The following CASC3 variants were observed in gnomAD, a reference collection of about 807,000 sequenced individuals.
The protein encoded by CASC3 is CASC3 exon junction complex subunit.
A neutral mutation model predicts 80.5 loss-of-function variants in CASC3; 30 were observed. The ratio of observed to expected loss-of-function variants is 0.37; its 90% CI spans 0.28 to 0.51. The LOEUF (loss-of-function observed/expected upper bound fraction) is 0.51, where lower values mean the gene tolerates loss of function less well. Ranked by LOEUF, CASC3 falls within the 20% of genes least tolerant of loss-of-function variation. The pLI is 0.94. For synonymous variants in CASC3, 312 were observed against 333.6 expected (o/e 0.94, Z 0.70); for missense variants, 824 against 922.2 (o/e 0.89, Z 1.38).
intron 2 of CASC3, 68 bp from the exon 3 acceptor site, chr17:40,141,502 A>G: frequency 1.5e-6 from 2 of 1,304,072 alleles, no homozygotes; most frequent in Non-Finnish European, 2.2e-6. Context: ...TCTTAGTCTG[A>G]CCTGTAATAA....
intron 3 of CASC3, among the ~76,000 whole-genome samples, chr17:40,144,517 G>C (rs941931936): frequency 7.9e-5 from 12 of 151,128 alleles, no homozygotes; most frequent in African/African-American, 2.9e-4. Flanking sequence ...GCTAATTTTT[G>C]TATTTGTAGT....
chr17:40,140,788 G>A lies in CASC3; in HGVS notation c.231+9G>A, dbSNP rs565408472. ...CTGAGGAGTCGGAGTGTGTGAGTGCGCGCAGGCGGGGCGGGGTGGGGACCG... is the reference window on the plus strand; with the variant it reads ...CTGAGGAGTCGGAGTGTGTGAGTGCACGCAGGCGGGGCGGGGTGGGGACCG... On this transcript the variant is annotated intron_variant, in intron 1 of 13. Coordinates refer to ENST00000264645, the MANE Select transcript of CASC3 (RefSeq NM_007359.5). 44 of 1,432,230 alleles carry A rather than the reference G, an allele frequency of 3.1e-5. No individual in the cohort carries two copies. The Admixed American group carries it at 7.0e-4, about 23-fold the overall frequency. 88.7% of individuals were successfully genotyped at this position (1,432,230 alleles called of 1,614,324 possible). A position where few individuals can be genotyped will look rare whatever the true frequency, so the allele number is the denominator to read the frequency against.
intron 3 of CASC3, among the ~76,000 whole-genome samples, chr17:40,150,283 G>A (rs1338309737): frequency 6.6e-6 from 1 of 152,052 alleles, no homozygotes; most frequent in Non-Finnish European, 1.5e-5. Flanking sequence ...GGAGTGGGAG[G>A]ATCCCTTGAG....
At chr17:40,145,763 T>C (rs186592158) in intron 3 of CASC3, among the ~76,000 whole-genome samples, 2 of 152,072 alleles carry the variant, frequency 1.3e-5, no homozygotes, top group African/African-American at 4.8e-5. Flanking sequence ...ATTCATTTTT[T>C]AAAAATTTTT....
intron 3 of CASC3, among the ~76,000 whole-genome samples, chr17:40,150,096 G>A (rs916369567): frequency 6.6e-6 from 1 of 150,906 alleles, no homozygotes; most frequent in African/African-American, 2.4e-5. Context: ...GAAGGATAGA[G>A]CAGGACAGGC....
Position 40,149,788 on chromosome 17 carries a change from G to A in CASC3, c.297+8181G>A, listed in dbSNP as rs553492795. ...TGGGAGGCCGAGGCGGGCAGATCACGAGGTCAGGAGATCGAGACCATCCTG... is the reference window on the plus strand; with the variant it reads ...TGGGAGGCCGAGGCGGGCAGATCACAAGGTCAGGAGATCGAGACCATCCTG... On this transcript the variant is annotated intron_variant, in intron 3 of 13. Transcript: ENST00000264645. 1.6e-3 allele frequency among the ~76,000 whole-genome samples: 237 copies of A among 150,382 alleles called. 1 individual carries two copies. Among genetic ancestry groups the A allele is most frequent in the Non-Finnish European group, 2.9e-3 (195 of 67,480 alleles).
chr17:40,140,772 C>G lies in CASC3; in HGVS notation c.224C>G (p.Ser75Trp). The G allele has an allele frequency of 5.4e-6, 6 of 1,113,596 alleles. No individual in the cohort carries two copies. The highest frequency in any genetic ancestry group is 2.3e-5 in the African/African-American group (1 of 43,010). 69.0% of individuals were successfully genotyped at this position (1,113,596 alleles called of 1,614,324 possible). The stretch of plus-strand genomic sequence containing the variant: ...GGGGGCGCCAAGAGTGCTGAGGAGT[C>G]GGAGTGTGTGAGTGCGCGCAGGCGG... ...ESGGAKSAEE[S>W]ECESEDGIEG... Residue 75 changes from serine (S) to tryptophan (W), a missense_variant, in exon 1 of 14, where the codon TCG (serine) becomes TGG (tryptophan). Physicochemically the swap from Ser to Trp is radical, Grantham distance 177. This residue lies in a region of CASC3 where 159 missense variants were observed against 122.2 expected (regional missense o/e 1.30). Coordinates refer to ENST00000264645, the MANE Select transcript of CASC3 (RefSeq NM_007359.5).
intron 3 of CASC3, among the ~76,000 whole-genome samples, chr17:40,151,527 CT>C (rs2145161396): frequency 6.6e-6 from 1 of 151,584 alleles, no homozygotes; most frequent in African/African-American, 2.4e-5. Context: ...GACCTTATCT[CT>C]ATAAAAAATA....
At chr17:40,160,822 C>T (rs1023211449) in intron 3 of CASC3, among the ~76,000 whole-genome samples, 1 of 151,956 alleles carries the variant, frequency 6.6e-6, no homozygotes, top group African/African-American at 2.4e-5. Flanking sequence ...ACGCCTGCCT[C>T]GGCCTCCCAA....
chr17:40,146,387 G>A (rs550660275), intron 3 of CASC3, among the ~76,000 whole-genome samples: 7 of 151,560 alleles, frequency 4.6e-5, no homozygotes, highest in Admixed American at 1.3e-4. Flanking sequence ...CTAACTTGGA[G>A]CAGCAACTCT....
Position 40,140,537 on chromosome 17 carries a change from G to A in CASC3, c.-12G>A. The A allele has an allele frequency of 1.9e-6, 3 of 1,605,086 alleles. No homozygotes were observed. Among genetic ancestry groups the A allele is most frequent in the Non-Finnish European group, 2.5e-6 (3 of 1,179,500 alleles). Reference sequence around the variant, plus strand: ...CGTAAGTACCTCGCCGGTGGTGGCCGTTCTCCGTAAGATGGCGGACCGGCG... The same window carrying A: ...CGTAAGTACCTCGCCGGTGGTGGCCATTCTCCGTAAGATGGCGGACCGGCG... On this transcript the variant is annotated 5_prime_UTR_variant, in exon 1 of 14. Transcript: ENST00000264645.
chr17:40,157,338 G>A (rs1337353636), intron 3 of CASC3, among the ~76,000 whole-genome samples: 2 of 143,038 alleles, frequency 1.4e-5, no homozygotes, highest in Admixed American at 7.0e-5. Flanking sequence ...GCGAGACTCC[G>A]TCTCAAATAA....
rs753482185 is a variant in CASC3 at position 40,167,896 on chromosome 17, G to A, written c.1698G>A (p.Pro566=). ...ATACCCATGGTGACAGCCCTGCCCC[G>A]CTGCCTCCACAGGGCATGCTTGTGC... The part of the protein sequence containing the change: ...PIYTHGDSPA[P]LPPQGMLVQP... Residue 566 remains proline (P), a synonymous_variant, in exon 10 of 14, where the codon CCG becomes CCA. Coordinates refer to ENST00000264645, the MANE Select transcript of CASC3 (RefSeq NM_007359.5). 42 of 1,614,008 alleles carry A rather than the reference G, an allele frequency of 2.6e-5. No individual in the cohort carries two copies. The highest frequency in any genetic ancestry group is 1.5e-4 in the Admixed American group (9 of 59,986).
intron 7 of CASC3, among the ~76,000 whole-genome samples, chr17:40,165,646 A>G (rs185409261): frequency 6.6e-6 from 1 of 152,332 alleles, no homozygotes; most frequent in African/African-American, 2.4e-5. Context: ...TTGAAAGGCA[A>G]GCCTCCCTTA....
chr17:40,169,573 A>T (rs759461371), intron 12 of CASC3, 25 bp from the exon 13 acceptor site: 2 of 1,591,884 alleles, frequency 1.3e-6, no homozygotes, highest in South Asian at 2.3e-5. Flanking sequence ...TGACCTGATA[A>T]CAAATTCCAA....
rs1451535245 is a variant in CASC3 at position 40,163,468 on chromosome 17, C to T, written c.786-13C>T. On this transcript the variant is annotated splice_polypyrimidine_tract_variant and intron_variant, in intron 6 of 13. Coordinates refer to ENST00000264645, the MANE Select transcript of CASC3 (RefSeq NM_007359.5). ...TTAATTTCCTAACAGTTTCTTCATT[C>T]CATTTTTTGTAGATATGGGAGTCCT... The T allele has an allele frequency of 6.3e-7, 1 of 1,592,800 alleles. No homozygotes were observed. Among genetic ancestry groups the T allele is most frequent in the South Asian group, 1.1e-5 (1 of 88,658 alleles).
At chr17:40,157,221 T>C (rs1989170026) in intron 3 of CASC3, among the ~76,000 whole-genome samples, 1 of 151,920 alleles carries the variant, frequency 6.6e-6, no homozygotes, top group Non-Finnish European at 1.5e-5. Context: ...GGCGGGTGCG[T>C]GTAGTCCCAG....
In CASC3 at chr17:40,161,811, C is replaced by G; in HGVS notation, c.356C>G (p.Ala119Gly). 6.2e-7 allele frequency: 1 copy of G among 1,614,058 alleles called. No homozygotes were observed. Among genetic ancestry groups the G allele is most frequent in the Non-Finnish European group, 8.5e-7 (1 of 1,179,974 alleles). The change falls in exon 4 of 14, where the codon GCT (alanine) becomes GGT (glycine). Residue 119 changes from alanine (A) to glycine (G), a missense_variant. Physicochemically the swap from Ala to Gly is moderately conservative, Grantham distance 60 (BLOSUM62 0). This residue lies in a region of CASC3 where 201 missense variants were observed against 294.1 expected (regional missense o/e 0.68). Transcript: ENST00000264645. ...ENSKVELKSE[A>G]NDAVNSSTKE... ...TCCAAAGTGGAGCTGAAATCAGAAGCTAATGATGCTGTTAATTCTTCAACA... is the reference window on the plus strand; with the variant it reads ...TCCAAAGTGGAGCTGAAATCAGAAGGTAATGATGCTGTTAATTCTTCAACA...
At chr17:40,159,838 C>T (rs148362184) in intron 3 of CASC3, among the ~76,000 whole-genome samples, 2,256 of 151,192 alleles carry the variant, frequency 0.015, 78 homozygotes, top group African/African-American at 0.052. Flanking sequence ...GCCTCAGCCT[C>T]CCAAATAGCT....
Sources: gnomAD v4.1 joint callset for allele counts (sites outside exome capture counted in the v4.1 genomes callset) on GRCh38, gnomAD v4.1.1 for gene constraint, gnomAD v4.1.1 regional missense constraint, MANE v1.5 for transcripts, NCBI Gene and HGNC (gene_info 2026-07-23, HGNC 2026-07-21) for gene names.